Variants in VWC2 observed in about 807,000 individuals in gnomAD.
VWC2 encodes brorin.
In VWC2, 14 loss-of-function variants were observed where a neutral mutation model predicts 29.8. The observed-to-expected ratio is 0.47, with a 90% CI of 0.31 to 0.74. The LOEUF is 0.74. VWC2 is among the 30% of genes least tolerant of loss of function. VWC2 has a pLI of 0.05. For synonymous variants in VWC2, 213 were observed against 199.0 expected, an observed-to-expected ratio of 1.07 and a Z score of -0.59; for missense variants, 457 against 459.8, an observed-to-expected ratio of 0.99 and a Z score of 0.05.
chr7:49,864,895 T>C (rs1340398929), intron 3 of VWC2, among the ~76,000 whole-genome samples: 1 of 152,238 alleles, frequency 6.6e-6, no homozygotes, highest in Non-Finnish European at 1.5e-5. Flanking sequence ...GCTTGCTTTG[T>C]TGCTGTAAAC....
intron 2 of VWC2, among the ~76,000 whole-genome samples, chr7:49,781,019 T>A (rs1788164861): frequency 1.3e-5 from 2 of 152,230 alleles, no homozygotes; most frequent in South Asian, 4.1e-4. Flanking sequence ...ATTCACACTT[T>A]TCAGTCTAAT....
chr7:49,817,075 T>C (rs1177115100), intron 3 of VWC2, among the ~76,000 whole-genome samples: 4 of 152,242 alleles, frequency 2.6e-5, no homozygotes, highest in Non-Finnish European at 4.4e-5. Context: ...CTGAACACTA[T>C]GGCAGTTTGC....
At chr7:49,824,051 G>A (rs1789332305) in intron 3 of VWC2, among the ~76,000 whole-genome samples, 1 of 151,710 alleles carries the variant, frequency 6.6e-6, no homozygotes, top group Non-Finnish European at 1.5e-5. Flanking sequence ...CTCAGTCTGT[G>A]GCTTGCCTTT....
chr7:49,804,005 C>T (rs1788810010), intron 3 of VWC2, among the ~76,000 whole-genome samples: 1 of 152,080 alleles, frequency 6.6e-6, no homozygotes, highest in South Asian at 2.1e-4. Context: ...CATAGTACAT[C>T]CAGTCCTCCA....
chr7:49,871,284 C>T (rs1308035297), intron 3 of VWC2, among the ~76,000 whole-genome samples: 4 of 152,070 alleles, frequency 2.6e-5, no homozygotes, highest in Non-Finnish European at 5.9e-5. Context: ...ATTTCATGGA[C>T]CTTTTGATCC....
rs1160280776 is a variant in VWC2 at position 49,919,722 on chromosome 7, T to C, written c.*7537T>C. ...CAAACAATAACAGCAATGGTGAAGGTTGTGGGTGGACAGAGGTAGTCCCAC... is the reference window on the plus strand; with the variant it reads ...CAAACAATAACAGCAATGGTGAAGGCTGTGGGTGGACAGAGGTAGTCCCAC... On this transcript the variant is annotated 3_prime_UTR_variant, in exon 4 of 4. Coordinates refer to ENST00000340652, the MANE Select transcript of VWC2 (RefSeq NM_198570.5). 6.6e-6 allele frequency: 1 copy of C among 152,300 alleles called. No individual in the cohort carries two copies. The highest frequency in any genetic ancestry group is 1.5e-5 in the Non-Finnish European group (1 of 68,032). 9.4% of individuals were successfully genotyped at this position (152,300 alleles called of 1,614,324 possible).
chr7:49,781,924 C>T (rs1226013067), intron 2 of VWC2, among the ~76,000 whole-genome samples: 1 of 151,984 alleles, frequency 6.6e-6, no homozygotes, highest in African/African-American at 2.4e-5. Context: ...GGAATGAGTC[C>T]AGGGGGCAGT....
At chr7:49,822,435 T>A (rs1413123555) in intron 3 of VWC2, among the ~76,000 whole-genome samples, 1 of 152,074 alleles carries the variant, frequency 6.6e-6, no homozygotes, top group Admixed American at 6.6e-5. Context: ...TGGGTTTTTG[T>A]TTTTTGTTTT....
chr7:49,788,471 G>A (rs1039784069), intron 2 of VWC2, among the ~76,000 whole-genome samples: 1 of 118,878 alleles, frequency 8.4e-6, no homozygotes, highest in South Asian at 2.6e-4. Context: ...GTGTGTGTGA[G>A]AGAGAGTGTG....
chr7:49,910,138 C>G (rs1298078286), intron 3 of VWC2, among the ~76,000 whole-genome samples: 1 of 151,936 alleles, frequency 6.6e-6, no homozygotes, highest in Non-Finnish European at 1.5e-5. Context: ...AAAAAGAAAA[C>G]AGAGTTCAGG....
intron 2 of VWC2, among the ~76,000 whole-genome samples, chr7:49,784,699 C>T (rs1788255272): frequency 6.6e-6 from 1 of 152,236 alleles, no homozygotes. Flanking sequence ...CAGGCTTACC[C>T]TCTTATGGAT....
chr7:49,835,814 G>A (rs1789643360), intron 3 of VWC2, among the ~76,000 whole-genome samples: 1 of 152,054 alleles, frequency 6.6e-6, no homozygotes. Context: ...ATAAACTATT[G>A]GCATTAGCTA....
Position 49,776,029 on chromosome 7 carries a change from C to T in VWC2, c.594C>T (p.Arg198=). The T allele has an allele frequency of 1.9e-6, 3 of 1,546,518 alleles. No homozygotes were observed. Among genetic ancestry groups the T allele is most frequent in the Non-Finnish European group, 2.6e-6 (3 of 1,151,380 alleles). The change falls in exon 2 of 4, where the codon CGC becomes CGT. Residue 198 remains arginine (R), a synonymous_variant. Transcript: ENST00000340652. ...AQPECPRLHP[R]CIHVDTSQCC... ...CCGAGTGCCCGAGGCTGCACCCGCGCTGCATCCACGTCGACACGAGCCAGT... is the reference window on the plus strand; with the variant it reads ...CCGAGTGCCCGAGGCTGCACCCGCGTTGCATCCACGTCGACACGAGCCAGT...
rs1793923017 is a variant in VWC2 at position 49,919,709 on chromosome 7, G to A, written c.*7524G>A. Reference sequence around the variant, plus strand: ...ATTGTCCCCACTCCAAACAATAACAGCAATGGTGAAGGTTGTGGGTGGACA... The same window carrying A: ...ATTGTCCCCACTCCAAACAATAACAACAATGGTGAAGGTTGTGGGTGGACA... On this transcript the variant is annotated 3_prime_UTR_variant, in exon 4 of 4. Transcript: ENST00000340652. 1 of 152,298 alleles carries A rather than the reference G, an allele frequency of 6.6e-6. No individual in the cohort carries two copies. Among genetic ancestry groups the A allele is most frequent in the Non-Finnish European group, 1.5e-5 (1 of 68,026 alleles). The allele number at this position is 152,298 out of a possible 1,614,324, so 9.4% of individuals were successfully genotyped here. A position where few individuals can be genotyped will look rare whatever the true frequency, so the allele number is the denominator to read the frequency against.
chr7:49,798,447 C>G (rs150406426), intron 2 of VWC2, among the ~76,000 whole-genome samples: 165 of 152,316 alleles, frequency 1.1e-3, no homozygotes, highest in Middle Eastern at 3.4e-3. Context: ...ACGGCTGGAG[C>G]CACGGCTGCA....
chr7:49,816,175 G>A lies in VWC2; in HGVS notation c.826+13335G>A, dbSNP rs186425249. ...AGGCAGGGATGTAAGAATGGATGCC[G>A]ACTAGATTAGGAAGGACCTTGATAC... On this transcript the variant is annotated intron_variant, in intron 3 of 3. Transcript: ENST00000340652. Among the ~76,000 whole-genome samples, 292 of 152,292 alleles carry A rather than the reference G, an allele frequency of 1.9e-3. 3 individuals carry two copies. Among genetic ancestry groups the A allele is most frequent in the African/African-American group, 5.3e-3 (222 of 41,558 alleles).
chr7:49,848,395 G>A (rs1790042959), intron 3 of VWC2, among the ~76,000 whole-genome samples: 1 of 152,218 alleles, frequency 6.6e-6, no homozygotes, highest in African/African-American at 2.4e-5. Context: ...CCTGCAGTGT[G>A]TGAGAGCCGG....
chr7:49,858,716 A>G (rs1285680129), intron 3 of VWC2, among the ~76,000 whole-genome samples: 1 of 151,928 alleles, frequency 6.6e-6, no homozygotes, highest in Non-Finnish European at 1.5e-5. Context: ...AATAAAAAAA[A>G]GAAAGCTATA....
chr7:49,908,006 G>C (rs905396649), intron 3 of VWC2, among the ~76,000 whole-genome samples: 12 of 152,156 alleles, frequency 7.9e-5, no homozygotes, highest in Non-Finnish European at 1.3e-4. Context: ...ATTGTCTACG[G>C]AATGCAGATT....
Sources: gnomAD v4.1 joint callset for allele counts (sites outside exome capture counted in the v4.1 genomes callset) on GRCh38, gnomAD v4.1.1 for gene constraint, MANE v1.5 for transcripts, NCBI Gene and HGNC (gene_info 2026-07-23, HGNC 2026-07-21) for gene names.